GTF2A1L: variants seen among roughly 807,000 people sequenced by gnomAD.
The protein encoded by GTF2A1L is general transcription factor IIA subunit 1 like, also known as TFIIA-alpha and beta-like factor.
GTF2A1L carries 48 observed loss-of-function variants against 49.7 expected under a neutral mutation model. The observed-to-expected ratio is 0.97, with a 90% CI of 0.77 to 1.23. GTF2A1L has a LOEUF of 1.23. Ranked by LOEUF, GTF2A1L falls within the 50% of genes most tolerant of loss-of-function variation. The probability of loss-of-function intolerance (pLI) is 0.00; values close to 1 mark genes in which losing one functional copy is unlikely to be tolerated. For synonymous variants in GTF2A1L, 246 were observed against 193.5 expected (o/e 1.27, Z -2.25); for missense variants, 736 against 564.8 (o/e 1.30, Z -3.07).
chr2:48,650,399 T>C (rs929310121), intron 6 of GTF2A1L, among the ~76,000 whole-genome samples: 1 of 152,152 alleles, frequency 6.6e-6, no homozygotes, highest in African/African-American at 2.4e-5. Context: ...CTGGAGTGAT[T>C]GTAATATATA....
intron 8 of GTF2A1L, among the ~76,000 whole-genome samples, chr2:48,673,359 CTTTTTT>C (rs34493140): frequency 1.8e-5 from 2 of 109,674 alleles, no homozygotes; most frequent in South Asian, 2.9e-4. Context: ...ACACAGGAAA[CTTTTTT>C]TTTTTTTTTT....
At chr2:48,648,128 A>G (rs1045502410) in intron 6 of GTF2A1L, among the ~76,000 whole-genome samples, 2 of 152,148 alleles carry the variant, frequency 1.3e-5, no homozygotes, top group East Asian at 3.8e-4. Flanking sequence ...CTGTTTTAGA[A>G]TGTTTCAGAT....
At chr2:48,635,036 T>C (rs929864171) in intron 3 of GTF2A1L, among the ~76,000 whole-genome samples, 3 of 152,098 alleles carry the variant, frequency 2.0e-5, no homozygotes, top group Non-Finnish European at 4.4e-5. Context: ...CTCTGCACAG[T>C]GATGAGGGGC....
chr2:48,676,034 T>C (rs1214846138), intron 8 of GTF2A1L, among the ~76,000 whole-genome samples: 1 of 151,946 alleles, frequency 6.6e-6, no homozygotes, highest in Non-Finnish European at 1.5e-5. Context: ...TAGCTCCTTT[T>C]CCTGTTTTGA....
At chr2:48,668,849 T>C (rs914878937) in intron 6 of GTF2A1L, among the ~76,000 whole-genome samples, 2 of 151,532 alleles carry the variant, frequency 1.3e-5, no homozygotes, top group Admixed American at 1.3e-4. Context: ...AATAAATAAA[T>C]AAATAAATAA....
At chr2:48,659,181 A>T (rs370492402) in intron 6 of GTF2A1L, among the ~76,000 whole-genome samples, 1 of 152,094 alleles carries the variant, frequency 6.6e-6, no homozygotes, top group Non-Finnish European at 1.5e-5. Flanking sequence ...TTGATTTTGT[A>T]TAGTGTCTTG....
chr2:48,642,296 T>C, intron 3 of GTF2A1L, 106 bp from the exon 4 acceptor site: 1 of 1,129,060 alleles, frequency 8.9e-7, no homozygotes, highest in Non-Finnish European at 1.2e-6. Context: ...CACCATGGTT[T>C]AACCTGTTAG....
intron 8 of GTF2A1L, among the ~76,000 whole-genome samples, chr2:48,678,645 G>T (rs1679599963): frequency 6.6e-6 from 1 of 152,008 alleles, no homozygotes; most frequent in African/African-American, 2.4e-5. Context: ...TTGTGTCTGT[G>T]TCTAGGCTGA....
intron 1 of GTF2A1L, 45 bp from the exon 2 acceptor site, chr2:48,620,806 T>C (rs753156946): frequency 6.2e-5 from 65 of 1,052,734 alleles, no homozygotes; most frequent in Non-Finnish European, 7.7e-5. Context: ...AATAAATAAA[T>C]AAATAAATAA....
chr2:48,658,306 A>G (rs1678293942), intron 6 of GTF2A1L, among the ~76,000 whole-genome samples: 1 of 152,168 alleles, frequency 6.6e-6, no homozygotes, highest in Admixed American at 6.5e-5. Context: ...GTCCAGTTTC[A>G]TTCTTCTGCA....
At chr2:48,634,054 C>A (rs1329486005) in intron 3 of GTF2A1L, among the ~76,000 whole-genome samples, 1 of 152,080 alleles carries the variant, frequency 6.6e-6, no homozygotes, top group African/African-American at 2.4e-5. Flanking sequence ...TAACTTGCCA[C>A]TTTGTGCCTT....
At chr2:48,664,976 A>G (rs1205272500) in intron 6 of GTF2A1L, among the ~76,000 whole-genome samples, 1 of 152,038 alleles carries the variant, frequency 6.6e-6, no homozygotes, top group Non-Finnish European at 1.5e-5. Flanking sequence ...GCTGGAGTTC[A>G]GGTGGTATGA....
At chr2:48,628,581 A>T (rs925491678) in intron 3 of GTF2A1L, among the ~76,000 whole-genome samples, 1 of 143,284 alleles carries the variant, frequency 7.0e-6, no homozygotes, top group African/African-American at 2.5e-5. Context: ...TTTTTTGTGA[A>T]TTGTTTTAAG....
chr2:48,657,109 CTTTTA>C (rs899650481), intron 6 of GTF2A1L, among the ~76,000 whole-genome samples: 1 of 152,094 alleles, frequency 6.6e-6, no homozygotes, highest in African/African-American at 2.4e-5. Context: ...ATCGTTTCAG[CTTTTA>C]TTTAAGATTC....
chr2:48,638,344 C>T (rs1036813402), intron 3 of GTF2A1L, among the ~76,000 whole-genome samples: 6 of 152,174 alleles, frequency 3.9e-5, no homozygotes, highest in Admixed American at 6.5e-5. Flanking sequence ...ACTTGTAAAC[C>T]GAATTTAGCA....
chr2:48,670,553 A>G (rs779353535), intron 7 of GTF2A1L, among the ~76,000 whole-genome samples: 24 of 152,172 alleles, frequency 1.6e-4, no homozygotes, highest in Non-Finnish European at 2.1e-4. Flanking sequence ...GTAGAAACAT[A>G]TAGTATCTGC....
chr2:48,628,116 C>T (rs1676389960), intron 3 of GTF2A1L, among the ~76,000 whole-genome samples: 1 of 143,948 alleles, frequency 6.9e-6, no homozygotes, highest in African/African-American at 2.5e-5. Flanking sequence ...TTTCTTTATC[C>T]AATCCACTAT....
intron 6 of GTF2A1L, among the ~76,000 whole-genome samples, chr2:48,655,583 A>G (rs1025453748): frequency 6.6e-6 from 1 of 152,200 alleles, no homozygotes; most frequent in African/African-American, 2.4e-5. Context: ...AGGTTGTGCC[A>G]GTTTTTCCTG....
At chr2:48,633,741 G>T (rs1255943422) in intron 3 of GTF2A1L, among the ~76,000 whole-genome samples, 1 of 152,176 alleles carries the variant, frequency 6.6e-6, no homozygotes, top group Non-Finnish European at 1.5e-5. Flanking sequence ...ATAGGGGGAA[G>T]TCCCCCACCA....
Sources: allele counts gnomAD v4.1 joint callset (sites outside exome capture counted in the v4.1 genomes callset), GRCh38; gene constraint gnomAD v4.1.1; transcripts MANE v1.5; gene names NCBI Gene and HGNC (gene_info 2026-07-23, HGNC 2026-07-21).